The following STARD13 variants were observed in gnomAD, a reference collection of about 807,000 sequenced individuals.
STARD13 encodes the protein stAR-related lipid transfer protein 13.
In STARD13, 62 loss-of-function variants were observed where a neutral mutation model predicts 106.4. The ratio of observed to expected loss-of-function variants is 0.58; its 90% CI spans 0.48 to 0.72. The LOEUF (loss-of-function observed/expected upper bound fraction) is 0.72. STARD13 is among the 30% of genes least tolerant of loss of function. STARD13 has a pLI of 0.00. For synonymous variants in STARD13, 565 were observed against 553.0 expected, an observed-to-expected ratio of 1.02 and a Z score of -0.31; for missense variants, 1,387 against 1,424.0, an observed-to-expected ratio of 0.97 and a Z score of 0.42.
intron 1 of STARD13, among the ~76,000 whole-genome samples, chr13:33,230,359 C>T (rs147436805): frequency 2.2e-3 from 330 of 152,290 alleles, no homozygotes; most frequent in African/African-American, 7.4e-3. Flanking sequence ...GAAGAAGAGG[C>T]GTGGCTGCTC....
At chr13:33,308,520 C>CTTTCTTTTTTTTTTT (rs1893003354) in intron 1 of STARD13, among the ~76,000 whole-genome samples, 1 of 88,554 alleles carries the variant, frequency 1.1e-5, no homozygotes, top group Non-Finnish European at 2.1e-5. Flanking sequence ...CTTTTTCTTT[C>CTTTCTTTTTTTTTTT]TTTTTTTTTT....
At chr13:33,464,958 A>C in the STARD13 span, among the ~76,000 whole-genome samples, 1 of 152,126 alleles carries the variant, frequency 6.6e-6, no homozygotes, top group African/African-American at 2.4e-5. Context: ...TTAAAACCTT[A>C]GGTTTTTCCC....
At chr13:33,231,584 C>T (rs748684003) in intron 1 of STARD13, among the ~76,000 whole-genome samples, 15 of 152,116 alleles carry the variant, frequency 9.9e-5, no homozygotes, top group Non-Finnish European at 1.9e-4. Flanking sequence ...TTGAAGGTAA[C>T]ATAATAAAAA....
chr13:33,220,880 G>T (rs2138175869), intron 1 of STARD13, among the ~76,000 whole-genome samples: 1 of 152,240 alleles, frequency 6.6e-6, no homozygotes, highest in Non-Finnish European at 1.5e-5. Context: ...TCTATAAAAT[G>T]AATGGAGGGA....
At chr13:33,404,956 T>C in the STARD13 span, among the ~76,000 whole-genome samples, 1 of 152,080 alleles carries the variant, frequency 6.6e-6, no homozygotes, top group Non-Finnish European at 1.5e-5. Context: ...TTTGTATTTT[T>C]AGTAGAGATT....
chr13:33,246,321 C>T (rs906699718), intron 1 of STARD13, among the ~76,000 whole-genome samples: 5 of 152,178 alleles, frequency 3.3e-5, no homozygotes, highest in Admixed American at 6.5e-5. Context: ...TTGGCTAGAA[C>T]GTTACCTATT....
chr13:33,415,230 T>C, the STARD13 span, among the ~76,000 whole-genome samples: 6 of 152,032 alleles, frequency 3.9e-5, no homozygotes, highest in South Asian at 1.2e-3. Context: ...TAGCCGGGCG[T>C]GGTGGCGGGC....
chr13:33,243,544 A>T (rs1429998954), intron 1 of STARD13, among the ~76,000 whole-genome samples: 1 of 151,642 alleles, frequency 6.6e-6, no homozygotes, highest in Non-Finnish European at 1.5e-5. Context: ...TATGGAATTA[A>T]TTTTTTTTTC....
chr13:33,676,064 T>A, the STARD13 span, among the ~76,000 whole-genome samples: 3 of 152,226 alleles, frequency 2.0e-5, no homozygotes, highest in Non-Finnish European at 4.4e-5. Context: ...TGGCTCCTAG[T>A]CTGTACTATA....
upstream of STARD13, among the ~76,000 whole-genome samples, chr13:33,352,990 T>C (rs1421479580): frequency 6.6e-6 from 1 of 152,148 alleles, no homozygotes; most frequent in Non-Finnish European, 1.5e-5. Context: ...CTGTCTTCCC[T>C]CCCATCGCAG....
intron 3 of STARD13, among the ~76,000 whole-genome samples, chr13:33,148,103 G>A (rs1880793476): frequency 6.6e-6 from 1 of 152,088 alleles, no homozygotes; most frequent in Non-Finnish European, 1.5e-5. Flanking sequence ...TAAACACAAA[G>A]CTATACAACT....
intron 1 of STARD13, among the ~76,000 whole-genome samples, chr13:33,340,229 G>A (rs1342303416): frequency 2.0e-5 from 3 of 151,934 alleles, no homozygotes; most frequent in African/African-American, 7.3e-5. Flanking sequence ...TTTGAGATAG[G>A]TTCTCACACT....
chr13:33,420,129 T>C, the STARD13 span, among the ~76,000 whole-genome samples: 1 of 152,174 alleles, frequency 6.6e-6, no homozygotes, highest in African/African-American at 2.4e-5. Flanking sequence ...GTAAATGGAC[T>C]AACTGCCCCA....
chr13:33,588,803 T>G, the STARD13 span, among the ~76,000 whole-genome samples: 1 of 152,198 alleles, frequency 6.6e-6, no homozygotes, highest in Non-Finnish European at 1.5e-5. Context: ...TCATTCCTTA[T>G]TCACTCATTC....
chr13:33,468,545 A>G, the STARD13 span, among the ~76,000 whole-genome samples: 1 of 152,034 alleles, frequency 6.6e-6, no homozygotes, highest in African/African-American at 2.4e-5. Context: ...GCTTCCTTAT[A>G]AAAGGACAAG....
intron 1 of STARD13, among the ~76,000 whole-genome samples, chr13:33,282,866 A>T (rs1385033733): frequency 1.3e-5 from 2 of 152,104 alleles, no homozygotes; most frequent in Admixed American, 1.3e-4. Context: ...GTCTCTATAA[A>T]AAAGTTTTAA....
At chr13:33,553,978 C>A in the STARD13 span, among the ~76,000 whole-genome samples, 1 of 151,986 alleles carries the variant, frequency 6.6e-6, no homozygotes, top group Non-Finnish European at 1.5e-5. Context: ...TAAAAGATTT[C>A]TATTTTTAAC....
chr13:33,594,225 A>C, the STARD13 span, among the ~76,000 whole-genome samples: 1 of 152,156 alleles, frequency 6.6e-6, no homozygotes, highest in Non-Finnish European at 1.5e-5. Flanking sequence ...TCATGGTGTT[A>C]TTCTGTCTAG....
chr13:33,325,033 A>G (rs192569803), intron 1 of STARD13, among the ~76,000 whole-genome samples: 1 of 152,140 alleles, frequency 6.6e-6, no homozygotes, highest in East Asian at 1.9e-4. Flanking sequence ...TATATGCTAT[A>G]TTGTGCATGT....
Sources: gnomAD v4.1 joint callset for allele counts (sites outside exome capture counted in the v4.1 genomes callset) on GRCh38, gnomAD v4.1.1 for gene constraint, MANE v1.5 for transcripts, NCBI Gene and HGNC (gene_info 2026-07-23, HGNC 2026-07-21) for gene names.